NXPH1: variants seen among roughly 807,000 people sequenced by gnomAD.
NXPH1 encodes the protein neurexophilin 1.
Under a neutral mutation model 23.7 loss-of-function variants are expected in NXPH1, and 5 were observed. The observed-to-expected ratio is 0.21, with a 90% CI of 0.11 to 0.44. The LOEUF is 0.44. Among genes scored for constraint, NXPH1 ranks in the 20% least tolerant of loss-of-function variants. The pLI is 0.99. For missense variants in NXPH1, 324 were observed against 321.6 expected (o/e 1.01, Z -0.06); for synonymous variants, 144 against 122.2 (o/e 1.18, Z -1.18).
intron 2 of NXPH1, among the ~76,000 whole-genome samples, chr7:8,576,199 G>A (rs1421081731): frequency 6.6e-6 from 1 of 152,084 alleles, no homozygotes; most frequent in African/African-American, 2.4e-5. Flanking sequence ...GCATATGTTT[G>A]AAAACTCCAT....
intron 2 of NXPH1, among the ~76,000 whole-genome samples, chr7:8,726,753 G>A (rs1780061995): frequency 1.3e-5 from 2 of 149,112 alleles, no homozygotes; most frequent in Non-Finnish European, 1.5e-5. Context: ...CATTTGGGTT[G>A]GTTCCAAGTC....
chr7:8,651,283 C>A (rs936778447), intron 2 of NXPH1, among the ~76,000 whole-genome samples: 3 of 101,726 alleles, frequency 2.9e-5, no homozygotes, highest in African/African-American at 9.7e-5. Flanking sequence ...CATCCATGTC[C>A]CTACAAAGGA....
At chr7:8,478,307 A>G (rs1817010428) in intron 2 of NXPH1, among the ~76,000 whole-genome samples, 2 of 152,124 alleles carry the variant, frequency 1.3e-5, no homozygotes, top group Non-Finnish European at 2.9e-5. Context: ...ACTTTAAGAA[A>G]ATGGCTCAAT....
chr7:8,482,342 C>T (rs1817089048), intron 2 of NXPH1, among the ~76,000 whole-genome samples: 1 of 152,122 alleles, frequency 6.6e-6, no homozygotes, highest in Admixed American at 6.5e-5. Context: ...ATCCATTTCC[C>T]ACACAGTCAA....
At chr7:8,632,506 G>T (rs532682273) in intron 2 of NXPH1, among the ~76,000 whole-genome samples, 9 of 152,092 alleles carry the variant, frequency 5.9e-5, no homozygotes, top group Non-Finnish European at 1.3e-4. Flanking sequence ...CACTTTAAGG[G>T]TTATCCTTTG....
chr7:8,562,029 A>G (rs1818454740), intron 2 of NXPH1, among the ~76,000 whole-genome samples: 1 of 151,684 alleles, frequency 6.6e-6, no homozygotes, highest in Admixed American at 6.6e-5. Context: ...TCATTTATTG[A>G]ATATCTATAC....
In NXPH1 at chr7:8,470,870, A is replaced by AT. The variant is rs1269705057; in HGVS notation, c.54+35114dup. On this transcript the variant is annotated intron_variant, in intron 2 of 2. Transcript: ENST00000405863. ...TATGGCTCTGCGATGATGAAAATTG[A>AT]TTTTTTTTTTTAAGAAGAAGGAAAT... is the stretch of plus-strand genomic sequence containing the variant. Among the ~76,000 whole-genome samples the AT allele has an allele frequency of 8.9e-4, 132 of 149,088 alleles. No homozygotes were observed. In the East Asian group the frequency reaches 0.012, roughly 13 times the overall value.
At chr7:8,470,023 A>G (rs1036996586) in intron 2 of NXPH1, among the ~76,000 whole-genome samples, 1 of 152,148 alleles carries the variant, frequency 6.6e-6, no homozygotes, top group Non-Finnish European at 1.5e-5. Context: ...TTAACATTGC[A>G]TACATTAGAC....
intron 2 of NXPH1, among the ~76,000 whole-genome samples, chr7:8,539,274 T>C (rs558544676): frequency 1.3e-4 from 20 of 151,710 alleles, no homozygotes; most frequent in Non-Finnish European, 2.1e-4. Flanking sequence ...AAATATAAGA[T>C]TTATATTTAG....
chr7:8,692,333 T>A (rs1043203707), intron 2 of NXPH1, among the ~76,000 whole-genome samples: 15 of 152,162 alleles, frequency 9.9e-5, no homozygotes, highest in Non-Finnish European at 1.8e-4. Flanking sequence ...ATTGAAAAGC[T>A]ATTGCACCAC....
At chr7:8,567,223 A>G (rs1333051232) in intron 2 of NXPH1, among the ~76,000 whole-genome samples, 1 of 151,916 alleles carries the variant, frequency 6.6e-6, no homozygotes, top group African/African-American at 2.4e-5. Context: ...GTTTTCTAGA[A>G]ACCATTTCTT....
At chr7:8,648,356 C>A (rs113580661) in intron 2 of NXPH1, among the ~76,000 whole-genome samples, 1 of 152,032 alleles carries the variant, frequency 6.6e-6, no homozygotes, top group Admixed American at 6.6e-5. Context: ...CTACTCTCTA[C>A]GTTCATTAGT....
intron 2 of NXPH1, among the ~76,000 whole-genome samples, chr7:8,733,863 C>T (rs542811518): frequency 1.8e-4 from 27 of 152,280 alleles, no homozygotes; most frequent in African/African-American, 6.3e-4. Context: ...TTTTGCTGTG[C>T]AGAAACTCTT....
chr7:8,516,332 C>T (rs575910569), intron 2 of NXPH1, among the ~76,000 whole-genome samples: 3 of 152,160 alleles, frequency 2.0e-5, no homozygotes, highest in African/African-American at 7.2e-5. Flanking sequence ...TGGGTGCTCT[C>T]GTACCTTAAG....
rs142349216 is a variant in NXPH1, at chr7:8,719,795, C to T, written c.55-31213C>T. Among the ~76,000 whole-genome samples, 493 of 151,914 alleles carry T rather than the reference C, an allele frequency of 3.2e-3. 4 individuals are homozygous for T. Among genetic ancestry groups the T allele is most frequent in the Middle Eastern group, 0.014 (4 of 294 alleles). Reference sequence around the variant, plus strand: ...ATGAAATACTTTTATACAAAACTAACGACATAGATCAATATAATTGTATTG... The same window carrying T: ...ATGAAATACTTTTATACAAAACTAATGACATAGATCAATATAATTGTATTG... On this transcript the variant is annotated intron_variant, in intron 2 of 2. Transcript: ENST00000405863.
chr7:8,661,930 C>CA (rs915824399), intron 2 of NXPH1, among the ~76,000 whole-genome samples: 9 of 151,562 alleles, frequency 5.9e-5, no homozygotes, highest in Non-Finnish European at 1.2e-4. Context: ...GTATCCCCCC[C>CA]AAAAAACAAA....
At chr7:8,452,323 AAT>A (rs1314092547) in intron 2 of NXPH1, among the ~76,000 whole-genome samples, 1 of 152,108 alleles carries the variant, frequency 6.6e-6, no homozygotes, top group African/African-American at 2.4e-5. Context: ...TCTTTCTTTA[AAT>A]ATGTTACCAC....
intron 2 of NXPH1, among the ~76,000 whole-genome samples, chr7:8,711,616 C>CT (rs1202695772): frequency 1.3e-5 from 2 of 152,012 alleles, no homozygotes; most frequent in Non-Finnish European, 2.9e-5. Context: ...AGTATGCATG[C>CT]TTTTTTTGGG....
chr7:8,628,306 ACAC>A (rs1380636624), intron 2 of NXPH1, among the ~76,000 whole-genome samples: 1 of 151,970 alleles, frequency 6.6e-6, no homozygotes, highest in Non-Finnish European at 1.5e-5. Flanking sequence ...GTGAAATTCT[ACAC>A]AGTAATTGAT....
Sources: allele counts gnomAD v4.1 joint callset (sites outside exome capture counted in the v4.1 genomes callset), GRCh38; gene constraint gnomAD v4.1.1; transcripts MANE v1.5; gene names NCBI Gene and HGNC (gene_info 2026-07-23, HGNC 2026-07-21).